Variants in AGBL4 observed in about 807,000 individuals in gnomAD.
The protein encoded by AGBL4 is cytosolic carboxypeptidase 6.
A neutral mutation model predicts 66.4 loss-of-function variants in AGBL4; 58 were observed. The ratio of observed to expected loss-of-function variants is 0.87; its 90% CI spans 0.71 to 1.09. The LOEUF (loss-of-function observed/expected upper bound fraction) is 1.09, where lower values mean the gene tolerates loss of function less well. Among genes scored for constraint, AGBL4 ranks in the 50% least tolerant of loss-of-function variants. The pLI, the probability that AGBL4 is intolerant of heterozygous loss-of-function variation, is 0.00. For missense variants in AGBL4, 579 were observed against 631.0 expected (o/e 0.92, Z 0.88); for synonymous variants, 234 against 222.9 (o/e 1.05, Z -0.44).
intron 4 of AGBL4, among the ~76,000 whole-genome samples, chr1:49,056,696 C>T (rs532947420): frequency 8.5e-5 from 13 of 152,086 alleles, no homozygotes; most frequent in Middle Eastern, 3.4e-3. Flanking sequence ...GGAGTGAAAG[C>T]GAGACCAGTG....
chr1:49,129,395 G>A (rs1323847877), intron 4 of AGBL4, among the ~76,000 whole-genome samples: 1 of 151,708 alleles, frequency 6.6e-6, no homozygotes, highest in African/African-American at 2.4e-5. Context: ...CATGTGCCAT[G>A]CTGGTGTGCT....
At chr1:49,969,114 C>T (rs1657825191) in intron 1 of AGBL4, among the ~76,000 whole-genome samples, 1 of 152,172 alleles carries the variant, frequency 6.6e-6, no homozygotes, top group African/African-American at 2.4e-5. Flanking sequence ...GCAGAGCACA[C>T]ATACATTAAA....
chr1:48,570,064 G>C (rs971426811), intron 11 of AGBL4, among the ~76,000 whole-genome samples: 2 of 152,194 alleles, frequency 1.3e-5, no homozygotes, highest in African/African-American at 4.8e-5. Flanking sequence ...GCTGCTCACT[G>C]TGGAACAGCC....
At chr1:49,498,425 C>A (rs1273538003) in intron 3 of AGBL4, among the ~76,000 whole-genome samples, 1 of 151,828 alleles carries the variant, frequency 6.6e-6, no homozygotes, top group Non-Finnish European at 1.5e-5. Flanking sequence ...TGAGATTATG[C>A]AGTATTTGTC....
intron 3 of AGBL4, among the ~76,000 whole-genome samples, chr1:49,528,862 T>C (rs1042230632): frequency 3.3e-5 from 5 of 152,092 alleles, no homozygotes; most frequent in African/African-American, 1.2e-4. Context: ...AGTAGTTCTT[T>C]ACGGTTGGAG....
intron 4 of AGBL4, among the ~76,000 whole-genome samples, chr1:49,101,672 T>C (rs540629583): frequency 1.3e-5 from 2 of 152,180 alleles, no homozygotes; most frequent in East Asian, 3.9e-4. Context: ...CATGCATAAG[T>C]GTGTGTGTAT....
chr1:49,110,942 T>C (rs1175573868), intron 4 of AGBL4, among the ~76,000 whole-genome samples: 1 of 152,094 alleles, frequency 6.6e-6, no homozygotes, highest in African/African-American at 2.4e-5. Context: ...GTGATCTCCA[T>C]AGAAGCCAAT....
At chr1:49,902,420 T>C (rs1271093789) in intron 1 of AGBL4, among the ~76,000 whole-genome samples, 2 of 152,140 alleles carry the variant, frequency 1.3e-5, no homozygotes, top group African/African-American at 2.4e-5. Context: ...CCTACAAGCA[T>C]ATGAAAAAAT....
chr1:49,646,833 A>G (rs1039412997), intron 3 of AGBL4, among the ~76,000 whole-genome samples: 3 of 152,048 alleles, frequency 2.0e-5, no homozygotes, highest in Admixed American at 6.6e-5. Flanking sequence ...GACAAAATAC[A>G]TAAATGAAAC....
chr1:49,187,755 A>G (rs1356255909), intron 4 of AGBL4, among the ~76,000 whole-genome samples: 1 of 152,148 alleles, frequency 6.6e-6, no homozygotes, highest in Admixed American at 6.6e-5. Context: ...TCTCCTAAAT[A>G]CATTGTGCTC....
intron 5 of AGBL4, among the ~76,000 whole-genome samples, chr1:48,966,497 C>G (rs923791406): frequency 6.6e-6 from 1 of 152,078 alleles, no homozygotes; most frequent in Non-Finnish European, 1.5e-5. Context: ...TCCATACAAA[C>G]AGTCATTGAG....
intron 2 of AGBL4, among the ~76,000 whole-genome samples, chr1:49,826,628 A>G (rs145834539): frequency 4.5e-4 from 68 of 152,374 alleles, no homozygotes; most frequent in African/African-American, 1.6e-3. Context: ...AGACAAGACT[A>G]CAGAAAATTG....
intron 2 of AGBL4, among the ~76,000 whole-genome samples, chr1:49,715,317 A>G (rs1571390746): frequency 6.6e-6 from 1 of 152,168 alleles, no homozygotes; most frequent in Non-Finnish European, 1.5e-5. Flanking sequence ...ATGGCTGCAT[A>G]GTATTCTATG....
chr1:49,254,460 A>G (rs562266738), intron 3 of AGBL4, among the ~76,000 whole-genome samples: 43 of 152,312 alleles, frequency 2.8e-4, no homozygotes, highest in African/African-American at 1.0e-3. Flanking sequence ...CTAACAAGGG[A>G]GGTGAAAGAT....
At chr1:49,903,311 T>C (rs1649954993) in intron 1 of AGBL4, among the ~76,000 whole-genome samples, 1 of 151,932 alleles carries the variant, frequency 6.6e-6, no homozygotes. Context: ...CAAGAACACA[T>C]GGACATAAAG....
At chr1:49,921,666 C>A (rs1000306235) in intron 1 of AGBL4, among the ~76,000 whole-genome samples, 1 of 152,132 alleles carries the variant, frequency 6.6e-6, no homozygotes, top group African/African-American at 2.4e-5. Flanking sequence ...AAACCACTAG[C>A]GTTAAGTCCA....
intron 3 of AGBL4, among the ~76,000 whole-genome samples, chr1:49,506,255 C>A (rs1363003703): frequency 1.3e-5 from 2 of 151,944 alleles, no homozygotes; most frequent in South Asian, 2.1e-4. Flanking sequence ...AAAAATTTTA[C>A]AAAAATTTTT....
At chr1:49,780,620 G>C (rs1398638959) in intron 2 of AGBL4, among the ~76,000 whole-genome samples, 3 of 151,938 alleles carry the variant, frequency 2.0e-5, no homozygotes, top group African/African-American at 7.3e-5. Context: ...GAGCTCTACA[G>C]GTATAAATTT....
chr1:49,169,284 C>T (rs1198038013), intron 4 of AGBL4, among the ~76,000 whole-genome samples: 1 of 152,190 alleles, frequency 6.6e-6, no homozygotes, highest in African/African-American at 2.4e-5. Context: ...CACAGATTGC[C>T]TGGCCAGTTA....
Sources: gnomAD v4.1 joint callset for allele counts (sites outside exome capture counted in the v4.1 genomes callset) on GRCh38, gnomAD v4.1.1 for gene constraint, MANE v1.5 for transcripts, NCBI Gene and HGNC (gene_info 2026-07-23, HGNC 2026-07-21) for gene names.